The following ANXA5 variants were observed in gnomAD, a reference collection of about 807,000 sequenced individuals.
ANXA5 encodes CBP-I.
ANXA5 carries 40 observed loss-of-function variants against 48.1 expected under a neutral mutation model. The observed-to-expected ratio is 0.83, with a 90% confidence interval of 0.65 to 1.08. The LOEUF (loss-of-function observed/expected upper bound fraction) is 1.08. Among genes scored for constraint, ANXA5 ranks in the 50% least tolerant of loss-of-function variants. The pLI is 0.00. For missense variants in ANXA5, 357 were observed against 376.8 expected, an observed-to-expected ratio of 0.95 and a Z score of 0.44; for synonymous variants, 113 against 129.1, an observed-to-expected ratio of 0.88 and a Z score of 0.85.
intron 4 of ANXA5, 110 bp from the exon 5 acceptor site, chr4:121,683,587 C>T (rs933547734): frequency 4.9e-5 from 30 of 606,776 alleles, no homozygotes; most frequent in Non-Finnish European, 7.8e-5. Context: ...TTGCTGTCTC[C>T]AAGTAGAAGG....
intron 2 of ANXA5, among the ~76,000 whole-genome samples, chr4:121,688,420 T>C (rs1161874496): frequency 6.6e-6 from 1 of 152,052 alleles, no homozygotes; most frequent in Non-Finnish European, 1.5e-5. Context: ...TTAGTAACTT[T>C]CCATGCACTG....
chr4:121,691,017 C>T (rs958513089), intron 2 of ANXA5, among the ~76,000 whole-genome samples: 1 of 152,192 alleles, frequency 6.6e-6, no homozygotes, highest in Non-Finnish European at 1.5e-5. Context: ...TTAAATGACT[C>T]ATTCAAGAGG....
At position 121,670,593 on chromosome 4, in the gene ANXA5, G is replaced by A. The variant is rs563441940; in HGVS notation, c.722-581C>T. Among the ~76,000 whole-genome samples, 14 of 146,896 alleles carry A rather than the reference G, an allele frequency of 9.5e-5. 1 individual carries two copies. The highest frequency in any genetic ancestry group is 3.4e-4 in the African/African-American group (14 of 40,672). On this transcript the variant is annotated intron_variant, in intron 10 of 12. Transcript: ENST00000296511. ...TACATGTTGAATGTAGGTTGGGGCT[G>A]CTCAGACCTCAGTCTGCTTAGCTTC...
chr4:121,670,796 AT>A (rs1363832430), intron 10 of ANXA5, among the ~76,000 whole-genome samples: 2 of 152,198 alleles, frequency 1.3e-5, no homozygotes, highest in African/African-American at 4.8e-5. Context: ...GTAAAAGTAC[AT>A]TAACTGTGTA....
rs975223194 is a variant in ANXA5, at chr4:121,680,730, T to A, written c.394+941A>T. Among the ~76,000 whole-genome samples, 10 of 152,292 alleles carry A rather than the reference T, an allele frequency of 6.6e-5. No homozygotes were observed. In the East Asian group the frequency reaches 1.9e-3, roughly 29 times the overall value. On this transcript the variant is annotated intron_variant, in intron 6 of 12. Transcript: ENST00000296511. Reference sequence around the variant, plus strand: ...CAACGTCAACATCCCCAGAAAGAGATCTTTGAATAGTACATCAAATAAAGT... The same window carrying A: ...CAACGTCAACATCCCCAGAAAGAGAACTTTGAATAGTACATCAAATAAAGT...
At chr4:121,682,658 G>T (rs979573583) in intron 5 of ANXA5, among the ~76,000 whole-genome samples, 5 of 152,040 alleles carry the variant, frequency 3.3e-5, no homozygotes, top group Admixed American at 3.3e-4. Context: ...CTCCTATCAG[G>T]ATGACCCTTC....
chr4:121,668,842 A>C lies in ANXA5; in HGVS notation c.904-315T>G, dbSNP rs1724564598. 2.6e-5 allele frequency among the ~76,000 whole-genome samples: 4 copies of C among 151,994 alleles called. No homozygotes were observed. The South Asian group carries it at 8.3e-4, about 32-fold the overall frequency. On this transcript the variant is annotated intron_variant, in intron 12 of 12. Coordinates refer to ENST00000296511, the MANE Select transcript of ANXA5 (RefSeq NM_001154.4). ...GCAGTGCTGGGGCTGCAGGGCTGTCATGGCTCTCCCTCCGAGACAGAAGGG... is the reference window on the plus strand; with the variant it reads ...GCAGTGCTGGGGCTGCAGGGCTGTCCTGGCTCTCCCTCCGAGACAGAAGGG...
At chr4:121,675,008 A>G (rs868810346) in intron 8 of ANXA5, among the ~76,000 whole-genome samples, 3 of 152,208 alleles carry the variant, frequency 2.0e-5, no homozygotes, top group Non-Finnish European at 4.4e-5. Flanking sequence ...AACTAAGATA[A>G]TGCACTGAAC....
chr4:121,678,083 C>A, intron 7 of ANXA5, 133 bp from the exon 8 acceptor site: 1 of 732,978 alleles, frequency 1.4e-6, no homozygotes, highest in Non-Finnish European at 2.4e-6. Flanking sequence ...ATCAATCCTG[C>A]ACTATTTCAC....
At chr4:121,680,177 T>C (rs543905252) in intron 6 of ANXA5, among the ~76,000 whole-genome samples, 1 of 152,320 alleles carries the variant, frequency 6.6e-6, no homozygotes, top group East Asian at 1.9e-4. Context: ...CTTATTTCAC[T>C]TTGCATTATG....
chr4:121,681,356 G>A (rs1361635805), intron 6 of ANXA5: 1 of 185,740 alleles, frequency 5.4e-6, no homozygotes, highest in African/African-American at 2.3e-5. Flanking sequence ...TTTAAAGGAG[G>A]AAAAACCATT....
chr4:121,681,873 A>G lies in ANXA5; in HGVS notation c.304-112T>C, dbSNP rs545954129. On this transcript the variant is annotated intron_variant, in intron 5 of 12. Coordinates refer to ENST00000296511, the MANE Select transcript of ANXA5 (RefSeq NM_001154.4). ...CATAGTTATATAAATATTATCCAGT[A>G]TAACATGGATTTCTTTGTATATGAG... 3 of 662,550 alleles carry G rather than the reference A, an allele frequency of 4.5e-6. No individual in the cohort carries two copies. The South Asian group carries it at 6.3e-5, about 14-fold the overall frequency. The allele number at this position is 662,550 out of a possible 1,614,324, so 41.0% of individuals were successfully genotyped here. A position where few individuals can be genotyped will look rare whatever the true frequency, so the allele number is the denominator to read the frequency against.
intron 10 of ANXA5, 111 bp downstream of exon 10, chr4:121,671,436 A>G (rs1024889722): frequency 2.1e-5 from 15 of 725,442 alleles, no homozygotes; most frequent in South Asian, 1.1e-4. Context: ...CCTAAATATC[A>G]TATCAAGCTC....
At position 121,677,886 on chromosome 4, in the gene ANXA5, T is replaced by C. The variant is rs1303649403; in HGVS notation, c.531+8A>G. 6.2e-7 allele frequency: 1 copy of C among 1,610,976 alleles called. No homozygotes were observed. Among genetic ancestry groups the C allele is most frequent in the Non-Finnish European group, 8.5e-7 (1 of 1,177,232 alleles). On this transcript the variant is annotated splice_region_variant and intron_variant, in intron 8 of 12. Transcript: ENST00000296511. ...ATAATAAAGTCATCATATCCTGGTGTCACTCACCTGAGCATCTTGTTCAAC... is the reference window on the plus strand; with the variant it reads ...ATAATAAAGTCATCATATCCTGGTGCCACTCACCTGAGCATCTTGTTCAAC...
At position 121,686,329 on chromosome 4, in the gene ANXA5, C is replaced by T. The variant is rs761166584; in HGVS notation, c.53G>A (p.Arg18Gln). 2.5e-5 allele frequency: 41 copies of T among 1,614,080 alleles called. No homozygotes were observed. The East Asian group carries it at 3.8e-4, about 15-fold the overall frequency. Residue 18 changes from arginine (R) to glutamine (Q), a missense_variant, in exon 3 of 13, where the codon CGG becomes CAG. Coordinates refer to ENST00000296511, the MANE Select transcript of ANXA5 (RefSeq NM_001154.4). Reference protein sequence around the residue: ...TVTDFPGFDERADAETLRKAM... With the variant: ...TVTDFPGFDEQADAETLRKAM... ...CTTCCGAAGAGTTTCTGCATCAGCCCGCTCATCAAATCCAGGGAAGTCAGT... is the reference window on the plus strand; with the variant it reads ...CTTCCGAAGAGTTTCTGCATCAGCCTGCTCATCAAATCCAGGGAAGTCAGT...
In ANXA5 at chr4:121,684,536, G is replaced by A. The variant is rs2110486545; in HGVS notation, c.189+141C>T. The stretch of plus-strand genomic sequence containing the variant: ...TATCCTAAGAGCTGATAATTTAGAG[G>A]AGAGTGGAAAAGAAACAGAAGTAGG... On this transcript the variant is annotated intron_variant, in intron 4 of 12. Transcript: ENST00000296511. 21 of 666,450 alleles carry A rather than the reference G, an allele frequency of 3.2e-5. No individual in the cohort carries two copies. In the South Asian group the frequency reaches 3.9e-4, roughly 12 times the overall value. The allele number at this position is 666,450 out of a possible 1,614,324, so 41.3% of individuals were successfully genotyped here. A position where few individuals can be genotyped will look rare whatever the true frequency, so the allele number is the denominator to read the frequency against.
intron 2 of ANXA5, among the ~76,000 whole-genome samples, chr4:121,691,665 T>C (rs559996307): frequency 3.4e-4 from 51 of 152,006 alleles, no homozygotes; most frequent in Non-Finnish European, 7.4e-4. Context: ...CTGAGGCAGG[T>C]TTCCAAAGAC....
At chr4:121,687,627 C>T (rs1460788892) in intron 2 of ANXA5, among the ~76,000 whole-genome samples, 2 of 152,146 alleles carry the variant, frequency 1.3e-5, no homozygotes, top group African/African-American at 4.8e-5. Context: ...TAACATAATA[C>T]TAATCAAATT....
Position 121,686,361 on chromosome 4 carries a change from G to A in ANXA5, c.21C>T (p.Gly7=). MAQVLR[G]TVTDFPGFDE... Reference sequence around the variant, plus strand: ...CAAATCCAGGGAAGTCAGTCACAGTGCCTCTGAGAACCTAATTCACGAAAC... The same window carrying A: ...CAAATCCAGGGAAGTCAGTCACAGTACCTCTGAGAACCTAATTCACGAAAC... Residue 7 remains glycine, a synonymous_variant, in exon 3 of 13, where the codon GGC becomes GGT. Transcript: ENST00000296511. The A allele has an allele frequency of 6.2e-7, 1 of 1,613,620 alleles. No homozygotes were observed. The highest frequency in any genetic ancestry group is 8.5e-7 in the Non-Finnish European group (1 of 1,179,564).
Sources: gnomAD v4.1 joint callset for allele counts (sites outside exome capture counted in the v4.1 genomes callset) on GRCh38, gnomAD v4.1.1 for gene constraint, MANE v1.5 for transcripts, NCBI Gene and HGNC (gene_info 2026-07-23, HGNC 2026-07-21) for gene names.